The following RANBP2 variants were observed in gnomAD, a reference collection of about 807,000 sequenced individuals.
The protein encoded by RANBP2 is E3 SUMO-protein ligase RanBP2.
A neutral mutation model predicts 303.6 loss-of-function variants in RANBP2; 57 were observed. The ratio of observed to expected loss-of-function variants is 0.19; its 90% CI spans 0.15 to 0.23. RANBP2 has a LOEUF of 0.23. RANBP2 is among the 10% of genes least tolerant of loss of function. The pLI, the probability that RANBP2 is intolerant of heterozygous loss-of-function variation, is 1.00. For missense variants in RANBP2, 3,138 were observed against 3,780.8 expected, an observed-to-expected ratio of 0.83 and a Z score of 4.46; for synonymous variants, 1,167 against 1,301.5, an observed-to-expected ratio of 0.90 and a Z score of 2.23.
At chr2:109,568,019 T>C in the RANBP2 span, 2 of 1,462,072 alleles carry the variant, frequency 1.4e-6, no homozygotes, top group Non-Finnish European at 1.8e-6. Flanking sequence ...GAGGATTTTT[T>C]TTTTTAATCC....
At chr2:109,007,008 G>A in the RANBP2 span, among the ~76,000 whole-genome samples, 1 of 152,188 alleles carries the variant, frequency 6.6e-6, no homozygotes, top group South Asian at 2.1e-4. Flanking sequence ...AATTGTAGGG[G>A]AACGGGCTGG....
At chr2:108,735,948 A>AAT (rs1269635350) in intron 5 of RANBP2, among the ~76,000 whole-genome samples, 156 bp from the exon 6 acceptor site, 11 of 152,240 alleles carry the variant, frequency 7.2e-5, no homozygotes, top group Admixed American at 3.9e-4. Context: ...AACTATGATA[A>AAT]ATGTATATAT....
At chr2:109,203,333 C>A in the RANBP2 span, among the ~76,000 whole-genome samples, 1 of 152,224 alleles carries the variant, frequency 6.6e-6, no homozygotes, top group Non-Finnish European at 1.5e-5. Context: ...GGCGCAGATG[C>A]GGCGGAGCTT....
At chr2:108,897,278 G>A in the RANBP2 span, 2 of 1,521,796 alleles carry the variant, frequency 1.3e-6, no homozygotes, top group Non-Finnish European at 1.8e-6. Flanking sequence ...ACAGTCAATA[G>A]AAGGTCAACA....
the RANBP2 span, among the ~76,000 whole-genome samples, chr2:109,489,732 T>C: frequency 1.6e-5 from 2 of 125,018 alleles, no homozygotes; most frequent in African/African-American, 6.0e-5. Flanking sequence ...GGACAAGGTT[T>C]TTTTTGGCGG....
the RANBP2 span, among the ~76,000 whole-genome samples, chr2:109,121,008 A>G: frequency 6.6e-6 from 1 of 152,150 alleles, no homozygotes; most frequent in South Asian, 2.1e-4. Context: ...GCACTTTGGG[A>G]GGCCGAGGTG....
chr2:109,014,301 C>G, the RANBP2 span, among the ~76,000 whole-genome samples: 1 of 152,166 alleles, frequency 6.6e-6, no homozygotes, highest in Non-Finnish European at 1.5e-5. Context: ...GTGGTGAAGA[C>G]CAGGTGGCCA....
the RANBP2 span, among the ~76,000 whole-genome samples, chr2:109,042,436 C>A: frequency 1.3e-5 from 2 of 152,124 alleles, no homozygotes; most frequent in Admixed American, 1.3e-4. Context: ...ATCACTAGGT[C>A]TCATCCCAAA....
At chr2:109,478,756 G>A in the RANBP2 span, among the ~76,000 whole-genome samples, 2 of 152,278 alleles carry the variant, frequency 1.3e-5, no homozygotes, top group African/African-American at 4.8e-5. Flanking sequence ...CATGCGACGG[G>A]CTTATCATAC....
At chr2:108,972,223 C>A in the RANBP2 span, among the ~76,000 whole-genome samples, 1 of 152,252 alleles carries the variant, frequency 6.6e-6, no homozygotes, top group Admixed American at 6.5e-5. Context: ...GACTAATACG[C>A]CTTCCAGTCC....
chr2:109,348,544 G>A, the RANBP2 span, among the ~76,000 whole-genome samples: 1 of 152,230 alleles, frequency 6.6e-6, no homozygotes. Context: ...GTGCAGAAGA[G>A]ACTGGTTCTG....
At chr2:109,510,506 G>A in the RANBP2 span, among the ~76,000 whole-genome samples, 1 of 152,208 alleles carries the variant, frequency 6.6e-6, no homozygotes, top group Non-Finnish European at 1.5e-5. Flanking sequence ...GGGAAACCCC[G>A]AGGTAGCTCT....
At chr2:109,467,724 G>C in the RANBP2 span, among the ~76,000 whole-genome samples, 1 of 152,244 alleles carries the variant, frequency 6.6e-6, no homozygotes, top group African/African-American at 2.4e-5. Context: ...TTGAGGATGA[G>C]CGTTTGAAGC....
chr2:109,721,847 T>C, the RANBP2 span, among the ~76,000 whole-genome samples: 3 of 152,194 alleles, frequency 2.0e-5, no homozygotes, highest in African/African-American at 7.2e-5. Context: ...AGCAGCCACC[T>C]TGCCCCAATT....
the RANBP2 span, among the ~76,000 whole-genome samples, chr2:109,346,131 T>C: frequency 6.6e-6 from 1 of 152,358 alleles, no homozygotes; most frequent in East Asian, 1.9e-4. Flanking sequence ...TACACACTAT[T>C]GTGCTCGCAC....
At chr2:109,387,789 G>A in the RANBP2 span, among the ~76,000 whole-genome samples, 1 of 152,180 alleles carries the variant, frequency 6.6e-6, no homozygotes, top group Non-Finnish European at 1.5e-5. Context: ...ACAGTGCTAA[G>A]CAGAGCCCCT....
the RANBP2 span, among the ~76,000 whole-genome samples, chr2:109,000,609 G>A: frequency 6.6e-6 from 1 of 152,162 alleles, no homozygotes; most frequent in South Asian, 2.1e-4. Context: ...AACAGGTCAA[G>A]TTTCTTCCAG....
the RANBP2 span, among the ~76,000 whole-genome samples, chr2:109,203,587 G>A: frequency 6.6e-6 from 1 of 152,064 alleles, no homozygotes; most frequent in Non-Finnish European, 1.5e-5. Flanking sequence ...CAGCTCTCTG[G>A]AACACTGTTC....
the RANBP2 span, among the ~76,000 whole-genome samples, chr2:109,513,361 C>G: frequency 6.6e-6 from 1 of 151,880 alleles, no homozygotes; most frequent in Non-Finnish European, 1.5e-5. Flanking sequence ...CATGCACACA[C>G]CTCCCGTATG....
Sources: allele counts gnomAD v4.1 joint callset (sites outside exome capture counted in the v4.1 genomes callset), GRCh38; gene constraint gnomAD v4.1.1; transcripts MANE v1.5; gene names NCBI Gene and HGNC (gene_info 2026-07-23, HGNC 2026-07-21).